LRRC4C: variants seen among roughly 807,000 people sequenced by gnomAD.
LRRC4C encodes the protein leucine rich repeat containing 4C.
Under a neutral mutation model 33.6 loss-of-function variants are expected in LRRC4C, and 5 were observed. The ratio of observed to expected loss-of-function variants is 0.15; its 90% CI spans 0.08 to 0.31. LRRC4C has a LOEUF of 0.31. Among genes scored for constraint, LRRC4C ranks in the 10% least tolerant of loss-of-function variants. LRRC4C has a pLI of 1.00. For synonymous variants in LRRC4C, 329 were observed against 302.0 expected (o/e 1.09, Z -0.93); for missense variants, 560 against 796.7 (o/e 0.70, Z 3.58).
intron 3 of LRRC4C, among the ~76,000 whole-genome samples, chr11:40,340,769 CA>C (rs1412537450): frequency 6.6e-6 from 1 of 152,020 alleles, no homozygotes; most frequent in East Asian, 1.9e-4. Flanking sequence ...GGTTAAATAT[CA>C]GGTCTGTTTA....
At chr11:41,351,063 C>A (rs1234821432) in intron 1 of LRRC4C, among the ~76,000 whole-genome samples, 1 of 152,030 alleles carries the variant, frequency 6.6e-6, no homozygotes, top group East Asian at 1.9e-4. Context: ...GACCTCGTGT[C>A]TTTTAAAAAT....
intron 2 of LRRC4C, among the ~76,000 whole-genome samples, chr11:40,819,133 T>G (rs1951820452): frequency 6.6e-6 from 1 of 152,116 alleles, no homozygotes; most frequent in Admixed American, 6.6e-5. Flanking sequence ...AAAAGTTATC[T>G]AATGGTGAAA....
chr11:41,387,277 A>G (rs1193177595), intron 1 of LRRC4C, among the ~76,000 whole-genome samples: 1 of 151,744 alleles, frequency 6.6e-6, no homozygotes, highest in Non-Finnish European at 1.5e-5. Context: ...GGAGGCAGGA[A>G]AGGCTAGAAT....
intron 2 of LRRC4C, among the ~76,000 whole-genome samples, chr11:40,802,020 C>A (rs895779897): frequency 6.6e-6 from 1 of 152,104 alleles, no homozygotes; most frequent in Non-Finnish European, 1.5e-5. Flanking sequence ...GCTTTTCTTC[C>A]CCAACATATT....
rs774090635 is a variant in LRRC4C at position 40,115,657 on chromosome 11, G to T, written c.636C>A (p.Ile212=). The T allele has an allele frequency of 5.6e-5, 90 of 1,614,050 alleles. No individual in the cohort carries two copies. The highest frequency in any genetic ancestry group is 1.6e-4 in the Middle Eastern group (1 of 6,084). Residue 212 remains isoleucine, a synonymous_variant, in exon 7 of 7, where the codon ATC becomes ATA. Coordinates refer to ENST00000528697, the MANE Select transcript of LRRC4C (RefSeq NM_001258419.2). This position sits in a 1 kb window ranked among gnomAD's most constrained non-coding sequence, Gnocchi z 6.7. ...GTTTTATGAGCGGTGTGAGGTTAGGGATTTCCCGAAGGTTGCACATGGCAA... is the reference window on the plus strand; with the variant it reads ...GTTTTATGAGCGGTGTGAGGTTAGGTATTTCCCGAAGGTTGCACATGGCAA... ...LNLAMCNLRE[I]PNLTPLIKLD...
chr11:40,126,061 C>T (rs1470278907), intron 6 of LRRC4C, among the ~76,000 whole-genome samples: 1 of 151,128 alleles, frequency 6.6e-6, no homozygotes, highest in Non-Finnish European at 1.5e-5. Flanking sequence ...ATGGCTATAA[C>T]CCAGTGAATC....
At chr11:40,731,104 G>C (rs1947556689) in intron 2 of LRRC4C, among the ~76,000 whole-genome samples, 1 of 152,150 alleles carries the variant, frequency 6.6e-6, no homozygotes, top group Non-Finnish European at 1.5e-5. Flanking sequence ...CGGATCACGA[G>C]GTCAGGAGAT....
chr11:40,114,436 A>C lies in LRRC4C; in HGVS notation c.1857T>G (p.Ser619Arg). 6.2e-7 allele frequency: 1 copy of C among 1,614,074 alleles called. No individual in the cohort carries two copies. The highest frequency in any genetic ancestry group is 8.5e-7 in the Non-Finnish European group (1 of 1,180,020). ...GGATCAATAACGGTTCATGCACTGA[A>C]CTGTGTATTGAATTTATTGTGTTAA... ...TTVNTINSIH[S>R]SVHEPLLIRM... The change falls in exon 7 of 7, where the codon AGT becomes AGG. Residue 619 changes from serine (S) to arginine (R), a missense_variant. Physicochemically the swap from Ser to Arg is moderately radical, Grantham distance 110. Around this residue, in one of 3 missense-constraint regions of LRRC4C, gnomAD observed 103 missense variants for 132.1 expected, o/e 0.78. Coordinates refer to ENST00000528697, the MANE Select transcript of LRRC4C (RefSeq NM_001258419.2).
chr11:41,238,559 A>G (rs1726490884), intron 1 of LRRC4C, among the ~76,000 whole-genome samples: 1 of 152,156 alleles, frequency 6.6e-6, no homozygotes, highest in South Asian at 2.1e-4. Flanking sequence ...TGAGCTGCAA[A>G]AGGGACTCAA....
intron 2 of LRRC4C, among the ~76,000 whole-genome samples, chr11:40,749,613 T>A: frequency 3.6e-5 from 5 of 138,490 alleles, no homozygotes; most frequent in South Asian, 2.3e-4. Context: ...ATGAAGGAAA[T>A]AATAATAATC....
At chr11:40,644,941 TC>T (rs1942354939) in intron 3 of LRRC4C, among the ~76,000 whole-genome samples, 2 of 146,606 alleles carry the variant, frequency 1.4e-5, no homozygotes, top group Admixed American at 1.4e-4. Context: ...ACTCGGGATC[TC>T]TGTGTTTTTT....
At chr11:40,164,309 C>T (rs1269776238) in intron 5 of LRRC4C, among the ~76,000 whole-genome samples, 3 of 152,120 alleles carry the variant, frequency 2.0e-5, no homozygotes, top group African/African-American at 4.8e-5. Flanking sequence ...AAGAGAATAT[C>T]GGCTCACTGC....
chr11:40,114,519 G>T lies in LRRC4C; in HGVS notation c.1774C>A (p.His592Asn). The T allele has an allele frequency of 2.5e-6, 4 of 1,614,144 alleles. No homozygotes were observed. The Admixed American group carries it at 6.7e-5, about 27-fold the overall frequency. The change falls in exon 7 of 7, where the codon CAT becomes AAT. Residue 592 changes from histidine to asparagine, a missense_variant. Around this residue, in one of 3 missense-constraint regions of LRRC4C, gnomAD observed 103 missense variants for 132.1 expected, o/e 0.78. Coordinates refer to ENST00000528697, the MANE Select transcript of LRRC4C (RefSeq NM_001258419.2). ...ESHLPMPAIE[H>N]EHLNHYNSYK... ...GAGTTATAGTGATTTAGGTGCTCAT[G>T]CTCGATAGCAGGCATGGGCAGGTGG...
intron 1 of LRRC4C, among the ~76,000 whole-genome samples, chr11:41,030,002 C>A (rs1481543727): frequency 6.6e-6 from 1 of 151,762 alleles, no homozygotes; most frequent in Non-Finnish European, 1.5e-5. Context: ...AGAAGGGAAG[C>A]TTGATACTGC....
chr11:40,933,679 C>G lies in LRRC4C; in HGVS notation c.-451G>C, dbSNP rs941908548. 6.6e-6 allele frequency: 1 copy of G among 152,194 alleles called. No individual in the cohort carries two copies. The highest frequency in any genetic ancestry group is 2.4e-5 in the African/African-American group (1 of 41,464). The allele number at this position is 152,194 out of a possible 1,614,324, so 9.4% of individuals were successfully genotyped here. On this transcript the variant is annotated 5_prime_UTR_variant, in exon 2 of 7. Transcript: ENST00000528697. ...TGATGTTCCAGCTTATTTGGCCCCTCTCTCATTGGGTGACCTTGCAGCCTC... is the reference window on the plus strand; with the variant it reads ...TGATGTTCCAGCTTATTTGGCCCCTGTCTCATTGGGTGACCTTGCAGCCTC...
At chr11:40,172,610 T>G (rs766238768) in intron 5 of LRRC4C, among the ~76,000 whole-genome samples, 8 of 152,072 alleles carry the variant, frequency 5.3e-5, no homozygotes, top group Non-Finnish European at 1.0e-4. Flanking sequence ...CTGTCATTGT[T>G]CCTTCTGCTT....
At position 41,250,041 on chromosome 11, in the gene LRRC4C, C is replaced by T. The variant is rs371400342; in HGVS notation, c.-496+209390G>A. ...AAAAATTAGCCAGGTGTGATGGCAG[C>T]GCCTGTAATCCCAGCTACTTGGGAG... is the stretch of plus-strand genomic sequence containing the variant. On this transcript the variant is annotated intron_variant, in intron 1 of 6. Coordinates refer to ENST00000528697, the MANE Select transcript of LRRC4C (RefSeq NM_001258419.2). 2.0e-4 allele frequency among the ~76,000 whole-genome samples: 31 copies of T among 151,960 alleles called. 1 individual carries two copies. In the South Asian group the frequency reaches 6.2e-3, roughly 31 times the overall value.
intron 1 of LRRC4C, among the ~76,000 whole-genome samples, chr11:41,198,218 T>A (rs548266453): frequency 8.5e-5 from 13 of 152,146 alleles, no homozygotes; most frequent in Non-Finnish European, 1.5e-4. Flanking sequence ...TCAGTGGCTG[T>A]CTGATCCCTA....
chr11:41,202,345 G>A (rs1946432132), intron 1 of LRRC4C, among the ~76,000 whole-genome samples: 1 of 152,120 alleles, frequency 6.6e-6, no homozygotes, highest in African/African-American at 2.4e-5. Flanking sequence ...ATCAATAGCA[G>A]CTCATCAATT....
Sources: gnomAD v4.1 joint callset for allele counts (sites outside exome capture counted in the v4.1 genomes callset) on GRCh38, gnomAD v4.1.1 for gene constraint, gnomAD v4.1.1 regional missense constraint, Gnocchi (gnomAD v3.1) non-coding constraint, MANE v1.5 for transcripts, NCBI Gene and HGNC (gene_info 2026-07-23, HGNC 2026-07-21) for gene names.